The following RER1 variants were observed in gnomAD, a reference collection of about 807,000 sequenced individuals.
RER1 encodes the protein retention in endoplasmic reticulum sorting receptor 1, also known as protein RER1.
RER1 carries 6 observed loss-of-function variants against 28.3 expected under a neutral mutation model. The ratio of observed to expected loss-of-function variants is 0.21; its 90% CI spans 0.12 to 0.42. The LOEUF is 0.42. Among genes scored for constraint, RER1 ranks in the 10% least tolerant of loss-of-function variants. The pLI is 1.00. For synonymous variants in RER1, 110 were observed against 95.9 expected (o/e 1.15, Z -0.86); for missense variants, 159 against 252.9 (o/e 0.63, Z 2.52).
Position 2,403,207 on chromosome 1 carries a change from G to A in RER1, c.*83G>A, listed in dbSNP as rs1236416810. On this transcript the variant is annotated 3_prime_UTR_variant, in exon 7 of 7. Transcript: ENST00000605895. ...ATGCCTTTTTTCTTCACATAAAGTAGTTGATTACGAGGGAGTCAAATTTTC... is the reference window on the plus strand; with the variant it reads ...ATGCCTTTTTTCTTCACATAAAGTAATTGATTACGAGGGAGTCAAATTTTC... 9.4e-7 allele frequency: 1 copy of A among 1,065,018 alleles called. No homozygotes were observed. Among genetic ancestry groups the A allele is most frequent in the Non-Finnish European group, 1.4e-6 (1 of 690,096 alleles). The allele number at this position is 1,065,018 out of a possible 1,614,324, so 66.0% of individuals were successfully genotyped here.
Position 2,403,848 on chromosome 1 carries a change from A to G in RER1, c.*724A>G, listed in dbSNP as rs1167246042. The stretch of plus-strand genomic sequence containing the variant: ...TGCAACCCTCCATGAGGGGCAGCGA[A>G]GCTGGCAGGGAGCAGACTGGCTTTG... On this transcript the variant is annotated 3_prime_UTR_variant, in exon 7 of 7. Coordinates refer to ENST00000605895, the MANE Select transcript of RER1 (RefSeq NM_007033.5). 2 of 152,518 alleles carry G rather than the reference A, an allele frequency of 1.3e-5. No individual in the cohort carries two copies. Among genetic ancestry groups the G allele is most frequent in the Non-Finnish European group, 2.9e-5 (2 of 68,048 alleles). 9.4% of individuals were successfully genotyped at this position (152,518 alleles called of 1,614,324 possible).
chr1:2,392,618 C>T (rs1410286975), intron 1 of RER1, among the ~76,000 whole-genome samples: 2 of 152,196 alleles, frequency 1.3e-5, no homozygotes, highest in Admixed American at 6.5e-5. Context: ...TGGGCTTTTG[C>T]CCTTTTCCCT....
chr1:2,403,307 G>T lies in RER1; in HGVS notation c.*183G>T, dbSNP rs555336944. On this transcript the variant is annotated 3_prime_UTR_variant, in exon 7 of 7. Coordinates refer to ENST00000605895, the MANE Select transcript of RER1 (RefSeq NM_007033.5). ...AAGAAACTGGCGCTTAAACCAAATC[G>T]CATGGATTTCTTTTTCAGTGACGTT... is the stretch of plus-strand genomic sequence containing the variant. The T allele has an allele frequency of 1.6e-4, 90 of 558,946 alleles. No individual in the cohort carries two copies. Among genetic ancestry groups the T allele is most frequent in the African/African-American group, 1.6e-3 (83 of 52,790 alleles). 34.6% of individuals were successfully genotyped at this position (558,946 alleles called of 1,614,324 possible).
In RER1 at chr1:2,399,023, CTG is replaced by C. The variant is rs1336060327; in HGVS notation, c.187-391_187-390del. Among the ~76,000 whole-genome samples, 3 of 152,190 alleles carry C rather than the reference CTG, an allele frequency of 2.0e-5. No homozygotes were observed. In the East Asian group the frequency reaches 5.8e-4, roughly 29 times the overall value. On this transcript the variant is annotated intron_variant, in intron 3 of 6. Coordinates refer to ENST00000605895, the MANE Select transcript of RER1 (RefSeq NM_007033.5). The stretch of plus-strand genomic sequence containing the variant: ...GATGAAGCTGCTCCTGGGTGGGGCT[CTG>C]GGCCAGCATCGCTCAGGTGCCCGGG...
rs994009655 is a variant in RER1 at position 2,405,270 on chromosome 1, C to T, written c.*2146C>T. The T allele has an allele frequency of 2.5e-5, 7 of 284,882 alleles. No homozygotes were observed. The highest frequency in any genetic ancestry group is 1.6e-4 in the African/African-American group (7 of 44,936). 17.6% of individuals were successfully genotyped at this position (284,882 alleles called of 1,614,324 possible). On this transcript the variant is annotated 3_prime_UTR_variant, in exon 7 of 7. Coordinates refer to ENST00000605895, the MANE Select transcript of RER1 (RefSeq NM_007033.5). Reference sequence around the variant, plus strand: ...CCGCCCTCGGGGAGAGCAGCGCCGCCTCCCATGGGGCCGTGGGGCTGCTGT... The same window carrying T: ...CCGCCCTCGGGGAGAGCAGCGCCGCTTCCCATGGGGCCGTGGGGCTGCTGT...
At chr1:2,399,269 C>T (rs1258288706) in intron 3 of RER1, 146 bp from the exon 4 acceptor site, 1 of 662,964 alleles carries the variant, frequency 1.5e-6, no homozygotes, top group African/African-American at 1.8e-5. Flanking sequence ...CACTGTATTT[C>T]CTTGTCCTTG....
chr1:2,402,159 C>A (rs1642874161), intron 5 of RER1, 48 bp from the exon 6 acceptor site: 1 of 1,613,910 alleles, frequency 6.2e-7, no homozygotes, highest in East Asian at 2.2e-5. Context: ...CGGCAGGTGC[C>A]CGGTGCTGGC....
intron 2 of RER1, among the ~76,000 whole-genome samples, chr1:2,396,536 G>A (rs945973268): frequency 2.0e-5 from 3 of 152,186 alleles, no homozygotes; most frequent in African/African-American, 7.2e-5. Flanking sequence ...CTCACAATTT[G>A]AAAATTAAAT....
At chr1:2,395,633 T>C (rs1049578965) in intron 1 of RER1, 151 bp from the exon 2 acceptor site, 19 of 650,102 alleles carry the variant, frequency 2.9e-5, no homozygotes, top group African/African-American at 7.2e-5. Flanking sequence ...TGCTACTTTT[T>C]CCCGAACAAT....
intron 1 of RER1, chr1:2,395,542 G>A: frequency 3.9e-6 from 2 of 507,920 alleles, no homozygotes; most frequent in Non-Finnish European, 7.2e-6. Context: ...TGAGGTGCCA[G>A]TGTGGGAATG....
intron 3 of RER1, among the ~76,000 whole-genome samples, chr1:2,398,164 T>C (rs1642795377): frequency 6.6e-6 from 1 of 152,298 alleles, no homozygotes; most frequent in East Asian, 1.9e-4. Context: ...TCTTCAGGTG[T>C]GGCCCTGCAG....
At chr1:2,394,989 G>C (rs1329354290) in intron 1 of RER1, 1 of 152,410 alleles carries the variant, frequency 6.6e-6, no homozygotes, top group African/African-American at 2.4e-5. Context: ...TGAGGAGCCA[G>C]GTGGCAGTCA....
intron 5 of RER1, among the ~76,000 whole-genome samples, chr1:2,401,605 C>T (rs1166566770): frequency 2.0e-5 from 3 of 151,638 alleles, no homozygotes; most frequent in Non-Finnish European, 2.9e-5. Context: ...CCTCATACCC[C>T]ACTCTGGGAG....
chr1:2,392,748 C>T (rs1254567709), intron 1 of RER1, among the ~76,000 whole-genome samples: 2 of 152,232 alleles, frequency 1.3e-5, no homozygotes, highest in Non-Finnish European at 2.9e-5. Flanking sequence ...GTAATTCAGA[C>T]TCTCACATGG....
rs972255935 is a variant in RER1, at chr1:2,404,175, C to T, written c.*1051C>T. 2.0e-5 allele frequency: 3 copies of T among 152,258 alleles called. No homozygotes were observed. Among genetic ancestry groups the T allele is most frequent in the Admixed American group, 6.5e-5 (1 of 15,284 alleles). The allele number at this position is 152,258 out of a possible 1,614,324, so 9.4% of individuals were successfully genotyped here. A position where few individuals can be genotyped will look rare whatever the true frequency, so the allele number is the denominator to read the frequency against. ...CCCCGGGCTGCGCAGGCTCCTCACT[C>T]TGGGCGGTGTTTCCTGTCTCAGAAT... On this transcript the variant is annotated 3_prime_UTR_variant, in exon 7 of 7. Transcript: ENST00000605895.
rs1642677483 is a variant in RER1 at position 2,391,850 on chromosome 1, C to T, written c.-116C>T. 3.1e-6 allele frequency: 1 copy of T among 321,844 alleles called. No homozygotes were observed. Among genetic ancestry groups the T allele is most frequent in the Non-Finnish European group, 5.6e-6 (1 of 179,768 alleles). The allele number at this position is 321,844 out of a possible 1,614,324, so 19.9% of individuals were successfully genotyped here. On this transcript the variant is annotated 5_prime_UTR_variant, in exon 1 of 7. Coordinates refer to ENST00000605895, the MANE Select transcript of RER1 (RefSeq NM_007033.5). The stretch of plus-strand genomic sequence containing the variant: ...GCGGAGGACGGAGCGGAAGTGCTCG[C>T]TGCAGCTTCCCGGAGCCGGAGCGCA...
At chr1:2,401,338 CCTT>C (rs1477531076) in intron 5 of RER1, among the ~76,000 whole-genome samples, 3 of 16,982 alleles carry the variant, frequency 1.8e-4, no homozygotes, top group Non-Finnish European at 2.8e-4. Context: ...CCTCCTCCCT[CCTT>C]CTCCCTCCTT....
At chr1:2,402,502 C>T (rs954134423) in intron 6 of RER1, among the ~76,000 whole-genome samples, 160 bp downstream of exon 6, 8 of 45,054 alleles carry the variant, frequency 1.8e-4, no homozygotes, top group East Asian at 6.5e-4. Flanking sequence ...GACACTGCTC[C>T]GTTCCCAGCA....
chr1:2,401,994 G>A, intron 5 of RER1: 5 of 1,484,108 alleles, frequency 3.4e-6, no homozygotes, highest in Non-Finnish European at 4.5e-6. Flanking sequence ...TTTCAAGGGA[G>A]TAAGAGAAGG....
Sources: allele counts gnomAD v4.1 joint callset (sites outside exome capture counted in the v4.1 genomes callset), GRCh38; gene constraint gnomAD v4.1.1; transcripts MANE v1.5; gene names NCBI Gene and HGNC (gene_info 2026-07-23, HGNC 2026-07-21).